Variants in LRP1B observed in about 807,000 individuals in gnomAD.
The protein encoded by LRP1B is low-density lipoprotein receptor-related protein 1B.
Under a neutral mutation model 556.6 loss-of-function variants are expected in LRP1B, and 217 were observed. The observed-to-expected ratio is 0.39, with a 90% confidence interval of 0.35 to 0.44. The LOEUF (loss-of-function observed/expected upper bound fraction) is 0.44. Among genes scored for constraint, LRP1B ranks in the 20% least tolerant of loss-of-function variants. The pLI, the probability that LRP1B is intolerant of heterozygous loss-of-function variation, is 1.00. For missense variants in LRP1B, 5,053 were observed against 5,620.8 expected, an observed-to-expected ratio of 0.90 and a Z score of 3.23; for synonymous variants, 2,047 against 1,865.8, an observed-to-expected ratio of 1.10 and a Z score of -2.50.
At position 141,788,807 on chromosome 2, in the gene LRP1B, C is replaced by T. The variant is rs1001082943; in HGVS notation, c.205+21472G>A. Among the ~76,000 whole-genome samples, 4 of 150,922 alleles carry T rather than the reference C, an allele frequency of 2.7e-5. No individual in the cohort carries two copies. The South Asian group carries it at 6.3e-4, about 24-fold the overall frequency. On this transcript the variant is annotated intron_variant, in intron 2 of 90. Coordinates refer to ENST00000389484, the MANE Select transcript of LRP1B (RefSeq NM_018557.3). ...TGCGGTGTTTGTTTTTTTGCCCTTG[C>T]GACAGTTTGCTAAGAATGATGGTTT...
intron 75 of LRP1B, among the ~76,000 whole-genome samples, chr2:140,353,296 C>T (rs1478751343): frequency 6.6e-6 from 1 of 152,066 alleles, no homozygotes; most frequent in Non-Finnish European, 1.5e-5. Flanking sequence ...TATTAATCCA[C>T]TTAAAATATT....
chr2:140,468,638 C>G (rs567908352), intron 60 of LRP1B, among the ~76,000 whole-genome samples: 2 of 152,338 alleles, frequency 1.3e-5, no homozygotes, highest in South Asian at 4.1e-4. Flanking sequence ...GGCAGGCCCC[C>G]CTGGAACTTT....
chr2:142,011,313 T>G (rs1213835989), intron 1 of LRP1B, among the ~76,000 whole-genome samples: 1 of 152,178 alleles, frequency 6.6e-6, no homozygotes, highest in Non-Finnish European at 1.5e-5. Flanking sequence ...CCTCATACTT[T>G]GTGTCACTTG....
chr2:141,863,959 T>G (rs1421905180), intron 1 of LRP1B, among the ~76,000 whole-genome samples: 1 of 152,164 alleles, frequency 6.6e-6, no homozygotes, highest in Non-Finnish European at 1.5e-5. Context: ...AATGACAAGG[T>G]AGTTGATGTA....
Position 140,444,324 on chromosome 2 carries a change from A to G in LRP1B, c.10294+6T>C, listed in dbSNP as rs762376311. The stretch of plus-strand genomic sequence containing the variant: ...AGACAAGACAGAGTATTTTGAGGTG[A>G]CTTACGACAGTCTCTTTCATCTTCC... On this transcript the variant is annotated splice_donor_region_variant and intron_variant, in intron 65 of 90. Coordinates refer to ENST00000389484, the MANE Select transcript of LRP1B (RefSeq NM_018557.3). The G allele has an allele frequency of 6.2e-7, 1 of 1,613,826 alleles. No individual in the cohort carries two copies. Among genetic ancestry groups the G allele is most frequent in the Admixed American group, 1.7e-5 (1 of 60,006 alleles).
intron 79 of LRP1B, among the ~76,000 whole-genome samples, chr2:140,330,026 C>G (rs1050147444): frequency 2.6e-5 from 4 of 151,550 alleles, no homozygotes; most frequent in Non-Finnish European, 5.9e-5. Context: ...ATGGTGAAAC[C>G]CTGTCTCTGC....
intron 41 of LRP1B, among the ~76,000 whole-genome samples, chr2:140,694,995 T>C (rs981700183): frequency 6.6e-6 from 1 of 151,996 alleles, no homozygotes; most frequent in African/African-American, 2.4e-5. Context: ...TTCATACTTT[T>C]TTTTTCTTTG....
intron 35 of LRP1B, among the ~76,000 whole-genome samples, chr2:140,762,841 C>G (rs576952676): frequency 2.6e-5 from 4 of 152,104 alleles, no homozygotes; most frequent in African/African-American, 9.6e-5. Context: ...TAAATAAATG[C>G]TATCAAAAAG....
intron 1 of LRP1B, among the ~76,000 whole-genome samples, chr2:142,094,300 G>GT (rs1304555910): frequency 2.6e-5 from 4 of 151,982 alleles, no homozygotes; most frequent in Admixed American, 6.6e-5. Flanking sequence ...TAAGGCTGGT[G>GT]TTTTTTTGAT....
At chr2:141,111,032 G>T (rs1484673144) in intron 7 of LRP1B, among the ~76,000 whole-genome samples, 1 of 152,156 alleles carries the variant, frequency 6.6e-6, no homozygotes. Flanking sequence ...GAAATGGCAA[G>T]GCGAAGAGCC....
At position 140,672,482 on chromosome 2, in the gene LRP1B, T is replaced by TAAAAAAAAAAAAAAAAAAAAA. The variant is rs55884730; in HGVS notation, c.6799+27747_6799+27767dup. Reference sequence around the variant, plus strand: ...CTGGGTGACAGAATGAGACTCCATCTAAAAAAAAAAAAAAAAAAAAAAAAA... The same window carrying TAAAAAAAAAAAAAAAAAAAAA: ...CTGGGTGACAGAATGAGACTCCATCTAAAAAAAAAAAAAAAAAAAAAAAAAAAAAAAAAAAAAAAAAAAAAA... On this transcript the variant is annotated intron_variant, in intron 41 of 90. Coordinates refer to ENST00000389484, the MANE Select transcript of LRP1B (RefSeq NM_018557.3). Among the ~76,000 whole-genome samples, 385 of 81,512 alleles carry TAAAAAAAAAAAAAAAAAAAAA rather than the reference T, an allele frequency of 4.7e-3. 6 individuals are homozygous for TAAAAAAAAAAAAAAAAAAAAA. Among genetic ancestry groups the TAAAAAAAAAAAAAAAAAAAAA allele is most frequent in the African/African-American group, 6.1e-3 (111 of 18,246 alleles). 53.5% of individuals were successfully genotyped at this position (81,512 alleles called of 152,430 possible). A position where few individuals can be genotyped will look rare whatever the true frequency, so the allele number is the denominator to read the frequency against.
At chr2:141,723,080 T>A (rs1692897261) in intron 2 of LRP1B, among the ~76,000 whole-genome samples, 1 of 152,128 alleles carries the variant, frequency 6.6e-6, no homozygotes. Context: ...GGTCAGAGAT[T>A]TCACATATTT....
At chr2:140,326,938 T>C (rs1680518986) in intron 79 of LRP1B, among the ~76,000 whole-genome samples, 1 of 152,078 alleles carries the variant, frequency 6.6e-6, no homozygotes, top group Non-Finnish European at 1.5e-5. Flanking sequence ...TGTAGAAATA[T>C]CATCAACACA....
chr2:141,832,810 T>A (rs1342389531), intron 1 of LRP1B, among the ~76,000 whole-genome samples: 1 of 151,856 alleles, frequency 6.6e-6, no homozygotes, highest in African/African-American at 2.4e-5. Flanking sequence ...AGAAATGAAG[T>A]CTCAATTATT....
At chr2:141,863,566 A>C (rs1035065003) in intron 1 of LRP1B, among the ~76,000 whole-genome samples, 3 of 152,262 alleles carry the variant, frequency 2.0e-5, no homozygotes, top group African/African-American at 7.2e-5. Context: ...ATTGCAGATA[A>C]ATTGTTCTGC....
At chr2:140,636,461 T>C (rs1684074024) in intron 41 of LRP1B, among the ~76,000 whole-genome samples, 1 of 152,160 alleles carries the variant, frequency 6.6e-6, no homozygotes, top group African/African-American at 2.4e-5. Context: ...CCTTTTTAGA[T>C]AGAAAATGTA....
At chr2:141,186,095 A>AAAC (rs1389608133) in intron 7 of LRP1B, among the ~76,000 whole-genome samples, 1 of 151,170 alleles carries the variant, frequency 6.6e-6, no homozygotes, top group Non-Finnish European at 1.5e-5. Context: ...AAAAAAAAAA[A>AAAC]AAAACCAGTA....
chr2:140,990,392 AC>A (rs1697056919), intron 16 of LRP1B, among the ~76,000 whole-genome samples: 1 of 151,776 alleles, frequency 6.6e-6, no homozygotes. Flanking sequence ...AACCACATAA[AC>A]ATTCAAATAT....
chr2:140,764,079 A>ATAAT (rs1689019482), intron 35 of LRP1B, among the ~76,000 whole-genome samples: 1 of 152,202 alleles, frequency 6.6e-6, no homozygotes, highest in Non-Finnish European at 1.5e-5. Flanking sequence ...AATTCTTTCT[A>ATAAT]TAATTCTTCT....
Sources: allele counts gnomAD v4.1 joint callset (sites outside exome capture counted in the v4.1 genomes callset), GRCh38; gene constraint gnomAD v4.1.1; transcripts MANE v1.5; gene names NCBI Gene and HGNC (gene_info 2026-07-23, HGNC 2026-07-21).